Variants in IRX2 observed in about 807,000 individuals in gnomAD.
IRX2 encodes iroquois homeobox 2.
In IRX2, 26 loss-of-function variants were observed where a neutral mutation model predicts 42.9. That is an observed-to-expected ratio of 0.61 (90% confidence interval 0.44 to 0.84). The LOEUF (loss-of-function observed/expected upper bound fraction) is 0.84. Among genes scored for constraint, IRX2 ranks in the 40% least tolerant of loss-of-function variants. The pLI is 0.00. For missense variants in IRX2, 782 were observed against 713.9 expected (o/e 1.10, Z -1.09); for synonymous variants, 424 against 353.9 (o/e 1.20, Z -2.22).
chr5:2,735,817 C>G, the IRX2 span, among the ~76,000 whole-genome samples: 2 of 152,158 alleles, frequency 1.3e-5, no homozygotes, highest in African/African-American at 2.4e-5. Context: ...TGCTCACCAG[C>G]AACTAGTGGA....
rs61748183 is a variant in IRX2 at position 2,749,425 on chromosome 5, G to C, written c.612C>G (p.Pro204=). The change falls in exon 2 of 4, where the codon CCC becomes CCG. Residue 204 remains proline (P), a synonymous_variant. Transcript: ENST00000302057. ...TCTCCGTGCCCTCCTGCGCCTTGTC[G>C]GGACTCTCGTCCTTGCTTCTGGTAG... The part of the protein sequence containing the change: ...GDATRSKDES[P]DKAQEGTETS... 8,252 of 1,614,062 alleles carry C rather than the reference G, an allele frequency of 5.1e-3. 31 individuals carry two copies. The highest frequency in any genetic ancestry group is 6.3e-3 in the Non-Finnish European group (7,450 of 1,180,000).
the IRX2 span, among the ~76,000 whole-genome samples, chr5:2,740,354 C>T: frequency 6.6e-6 from 1 of 152,042 alleles, no homozygotes; most frequent in Admixed American, 6.5e-5. Context: ...CCGGCTCACC[C>T]CCTCTCCTGC....
intron 2 of IRX2, 129 bp from the exon 3 acceptor site, chr5:2,749,181 T>G (rs1284568981): frequency 2.7e-6 from 4 of 1,477,652 alleles, no homozygotes; most frequent in African/African-American, 1.4e-5. Context: ...CCCGGCCACG[T>G]GACAGGCGGA....
rs1410586686 is a variant in IRX2 at position 2,749,684 on chromosome 5, C to T, written c.353G>A (p.Arg118His). Residue 118 changes from arginine to histidine, a missense_variant, in exon 2 of 4, where the codon CGC becomes CAC. Arg to His is a conservative substitution (Grantham distance 29). Coordinates refer to ENST00000302057, the MANE Select transcript of IRX2 (RefSeq NM_033267.5). Reference sequence around the variant, plus strand: ...CGTGGCGTCCCGCGTGGCGTTCTTGCGGTACGCGGGGTCGTTGAGCTGGTA... The same window carrying T: ...CGTGGCGTCCCGCGTGGCGTTCTTGTGGTACGCGGGGTCGTTGAGCTGGTA... The part of the protein sequence containing the change: ...YPYQLNDPAY[R>H]KNATRDATAT... The T allele has an allele frequency of 4.3e-6, 7 of 1,614,168 alleles. No individual in the cohort carries two copies. Among genetic ancestry groups the T allele is most frequent in the Non-Finnish European group, 5.9e-6 (7 of 1,180,030 alleles).
chr5:2,749,583 T>A lies in IRX2; in HGVS notation c.454A>T (p.Ile152Phe). Residue 152 changes from isoleucine (I) to phenylalanine (F), a missense_variant, in exon 2 of 4, where the codon ATC becomes TTC. Ile to Phe is a conservative substitution (Grantham distance 21, BLOSUM62 0). Around this residue, in one of 3 missense-constraint regions of IRX2, gnomAD observed 256 missense variants for 250.0 expected, o/e 1.02. Transcript: ENST00000302057. ...PTKGEKIMLA[I>F]ITKMTLTQVS... Reference sequence around the variant, plus strand: ...TGGGTGAGGGTCATCTTGGTGATGATGGCTAGCATGATCTTCTCGCCCTTG... The same window carrying A: ...TGGGTGAGGGTCATCTTGGTGATGAAGGCTAGCATGATCTTCTCGCCCTTG... The A allele has an allele frequency of 6.2e-7, 1 of 1,614,236 alleles. No homozygotes were observed. Among genetic ancestry groups the A allele is most frequent in the Non-Finnish European group, 8.5e-7 (1 of 1,180,040 alleles).
intron 2 of IRX2, 89 bp downstream of exon 2, chr5:2,749,293 C>T: frequency 6.7e-7 from 1 of 1,502,640 alleles, no homozygotes; most frequent in Non-Finnish European, 8.8e-7. Context: ...CCTGGGGTGT[C>T]CGGCGGGCAA....
Position 2,748,966 on chromosome 5 carries a change from G to T in IRX2, c.742C>A (p.Pro248Thr). ...GEKLPCRAGDPLCESGSECKD... is the reference protein window; with the variant it reads ...GEKLPCRAGDTLCESGSECKD... Reference sequence around the variant, plus strand: ...CACTCCGAGCCCGATTCGCACAGGGGGTCCCCGGCGCGGCACGGAAGCTTC... The same window carrying T: ...CACTCCGAGCCCGATTCGCACAGGGTGTCCCCGGCGCGGCACGGAAGCTTC... The change falls in exon 3 of 4, where the codon CCC (proline) becomes ACC (threonine). Residue 248 changes from proline to threonine, a missense_variant. Physicochemically the swap from Pro to Thr is conservative, Grantham distance 38 (BLOSUM62 -1). This residue lies in a region of IRX2 where 520 missense variants were observed against 437.8 expected (regional missense o/e 1.19). Coordinates refer to ENST00000302057, the MANE Select transcript of IRX2 (RefSeq NM_033267.5). 5 of 1,597,166 alleles carry T rather than the reference G, an allele frequency of 3.1e-6. No individual in the cohort carries two copies. The highest frequency in any genetic ancestry group is 4.2e-6 in the Non-Finnish European group (5 of 1,179,434).
At chr5:2,744,972 C>G (rs1269453861), downstream of IRX2, among the ~76,000 whole-genome samples, 1 of 152,130 alleles carries the variant, frequency 6.6e-6, no homozygotes, top group Non-Finnish European at 1.5e-5. Context: ...TAACAAGACC[C>G]CAGCAAGAGG....
downstream of IRX2, among the ~76,000 whole-genome samples, chr5:2,743,358 G>A (rs970312622): frequency 1.3e-5 from 2 of 152,284 alleles, no homozygotes; most frequent in South Asian, 2.1e-4. Context: ...TTTGACGGGC[G>A]CGGGAGGCAG....
chr5:2,744,117 TGTTGA>T, downstream of IRX2, among the ~76,000 whole-genome samples: 1 of 129,688 alleles, frequency 7.7e-6, no homozygotes, highest in South Asian at 2.5e-4. Context: ...TGTGTGTGTG[TGTTGA>T]AAGGGAACAG....
At chr5:2,743,044 A>C (rs183440661), downstream of IRX2, among the ~76,000 whole-genome samples, 1 of 152,214 alleles carries the variant, frequency 6.6e-6, no homozygotes, top group East Asian at 1.9e-4. Context: ...TAATAAACAC[A>C]TAAGTTAAAG....
downstream of IRX2, among the ~76,000 whole-genome samples, chr5:2,741,877 T>C (rs1035148507): frequency 6.6e-6 from 1 of 152,240 alleles, no homozygotes; most frequent in African/African-American, 2.4e-5. Context: ...ACTTTTATTA[T>C]CATGGGGCCA....
At chr5:2,735,903 T>C in the IRX2 span, among the ~76,000 whole-genome samples, 2 of 152,192 alleles carry the variant, frequency 1.3e-5, no homozygotes, top group East Asian at 1.9e-4. Flanking sequence ...CTGAGTCTAG[T>C]TGTGCTGCAC....
Position 2,747,491 on chromosome 5 carries a change from G to T in IRX2, c.*73C>A. On this transcript the variant is annotated 3_prime_UTR_variant, in exon 4 of 4. Coordinates refer to ENST00000302057, the MANE Select transcript of IRX2 (RefSeq NM_033267.5). ...GCAAGAAAAACACATTAAGCAAGTT[G>T]GTGCTGGGAGGCTCCACAGGGTCTG... The T allele has an allele frequency of 1.5e-6, 2 of 1,292,978 alleles. No individual in the cohort carries two copies. The highest frequency in any genetic ancestry group is 2.2e-6 in the Non-Finnish European group (2 of 892,740). 80.1% of individuals were successfully genotyped at this position (1,292,978 alleles called of 1,614,324 possible).
At position 2,747,370 on chromosome 5, in the gene IRX2, G is replaced by A. The variant is rs1358900311; in HGVS notation, c.*194C>T. 2.0e-5 allele frequency: 10 copies of A among 493,128 alleles called. No homozygotes were observed. In the East Asian group the frequency reaches 3.0e-4, roughly 15 times the overall value. The allele number at this position is 493,128 out of a possible 1,614,324, so 30.5% of individuals were successfully genotyped here. On this transcript the variant is annotated 3_prime_UTR_variant, in exon 4 of 4. Transcript: ENST00000302057. ...GGAGTGATAGAACTTGTGCCAAAAA[G>A]AGGGAATCTATAAAACAGAAAATAT...
chr5:2,740,181 G>C, the IRX2 span, among the ~76,000 whole-genome samples: 1 of 145,308 alleles, frequency 6.9e-6, no homozygotes. Flanking sequence ...GTCGTGGCGT[G>C]CGGGGGCGGG....
At chr5:2,740,356 C>A in the IRX2 span, among the ~76,000 whole-genome samples, 1 of 151,946 alleles carries the variant, frequency 6.6e-6, no homozygotes, top group East Asian at 2.0e-4. Flanking sequence ...GGCTCACCCC[C>A]TCTCCTGCGA....
rs574905642 is a variant in IRX2 at position 2,751,051 on chromosome 5, C to T, written c.249+114G>A. On this transcript the variant is annotated intron_variant, in intron 1 of 3. Coordinates refer to ENST00000302057, the MANE Select transcript of IRX2 (RefSeq NM_033267.5). This position sits in a 1 kb window ranked among gnomAD's most constrained non-coding sequence, Gnocchi z 4.0. The stretch of plus-strand genomic sequence containing the variant: ...ACCGAGCCGGCGACTCCTGAGTCGC[C>T]AGCCGCGCCACATTCCCGGCGGCCC... 1 of 1,146,452 alleles carries T rather than the reference C, an allele frequency of 8.7e-7. No individual in the cohort carries two copies. Among genetic ancestry groups the T allele is most frequent in the East Asian group, 3.8e-5 (1 of 26,124 alleles). The allele number at this position is 1,146,452 out of a possible 1,614,324, so 71.0% of individuals were successfully genotyped here.
In IRX2 at chr5:2,747,229, A is replaced by AAT. The variant is rs543717172; in HGVS notation, c.*333_*334dup. The AAT allele has an allele frequency of 1.3e-3, 207 of 159,396 alleles. No individual in the cohort carries two copies. Among genetic ancestry groups the AAT allele is most frequent in the African/African-American group, 4.6e-3 (190 of 41,662 alleles). 9.9% of individuals were successfully genotyped at this position (159,396 alleles called of 1,614,324 possible). On this transcript the variant is annotated 3_prime_UTR_variant, in exon 4 of 4. Transcript: ENST00000302057. ...TCAAAAGAAAACAACAGTAGTGTGT[A>AAT]ATATATATATACACATGTACTATAT... is the stretch of plus-strand genomic sequence containing the variant.
Sources: allele counts gnomAD v4.1 joint callset (sites outside exome capture counted in the v4.1 genomes callset), GRCh38; gene constraint gnomAD v4.1.1; regional missense constraint gnomAD v4.1.1; non-coding constraint Gnocchi (gnomAD v3.1); transcripts MANE v1.5; gene names NCBI Gene and HGNC (gene_info 2026-07-23, HGNC 2026-07-21).